The following PDZRN3 variants were observed in gnomAD, a reference collection of about 807,000 sequenced individuals.
PDZRN3 encodes PDZ domain containing ring finger 3, also known as E3 ubiquitin-protein ligase PDZRN3.
Under a neutral mutation model 85.7 loss-of-function variants are expected in PDZRN3, and 38 were observed. The ratio of observed to expected loss-of-function variants is 0.44; its 90% CI spans 0.34 to 0.58. The LOEUF is 0.58. PDZRN3 is among the 20% of genes least tolerant of loss of function. PDZRN3 has a pLI of 0.01. For missense variants in PDZRN3, 1,629 were observed against 1,506.4 expected (o/e 1.08, Z -1.35); for synonymous variants, 759 against 638.0 (o/e 1.19, Z -2.86).
rs1321941039 is a variant in PDZRN3, at chr3:73,602,383, C to T, written c.889G>A (p.Gly297Ser). ...VDSGPAAKEG[G>S]LQIHDRIIEV... ...ATAATCCTGTCATGAATTTGCAGGC[C>T]TCCTTCCTTGGCTGCAGGCCCACTG... is the stretch of plus-strand genomic sequence containing the variant. Residue 297 changes from glycine to serine, a missense_variant, in exon 3 of 10, where the codon GGC becomes AGC. By Grantham distance (56) the Gly-to-Ser change is moderately conservative (BLOSUM62 0). Transcript: ENST00000263666. 8 of 1,605,386 alleles carry T rather than the reference C, an allele frequency of 5.0e-6. No individual in the cohort carries two copies. The highest frequency in any genetic ancestry group is 6.8e-6 in the Non-Finnish European group (8 of 1,172,084).
At chr3:73,498,994 C>G (rs1703923502) in intron 3 of PDZRN3, among the ~76,000 whole-genome samples, 1 of 152,092 alleles carries the variant, frequency 6.6e-6, no homozygotes, top group Non-Finnish European at 1.5e-5. Flanking sequence ...TAGCAGGGTC[C>G]CAGCATAGGC....
At chr3:73,454,330 T>C (rs1702935586) in intron 3 of PDZRN3, among the ~76,000 whole-genome samples, 1 of 152,108 alleles carries the variant, frequency 6.6e-6, no homozygotes, top group Non-Finnish European at 1.5e-5. Context: ...GGCCTAGCAC[T>C]TGGAGCCACC....
intron 3 of PDZRN3, among the ~76,000 whole-genome samples, chr3:73,486,076 A>T (rs747803652): frequency 6.6e-6 from 1 of 152,192 alleles, no homozygotes; most frequent in Non-Finnish European, 1.5e-5. Flanking sequence ...TCATCAGAGG[A>T]AGGTAAGTGG....
intron 3 of PDZRN3, among the ~76,000 whole-genome samples, chr3:73,543,452 T>A (rs1042885849): frequency 6.6e-6 from 1 of 152,222 alleles, no homozygotes; most frequent in Non-Finnish European, 1.5e-5. Flanking sequence ...AAAAAAGGTA[T>A]CTCATCCAGA....
intron 3 of PDZRN3, among the ~76,000 whole-genome samples, chr3:73,430,592 T>C (rs1559675812): frequency 6.6e-6 from 1 of 152,136 alleles, no homozygotes; most frequent in Non-Finnish European, 1.5e-5. Context: ...GACTTGACAG[T>C]ACATGGCTAC....
At chr3:73,406,133 C>T (rs1428006501) in intron 3 of PDZRN3, among the ~76,000 whole-genome samples, 1 of 152,176 alleles carries the variant, frequency 6.6e-6, no homozygotes, top group Admixed American at 6.5e-5. Flanking sequence ...CTTGAGTGCA[C>T]CAGTAAATAA....
intron 3 of PDZRN3, among the ~76,000 whole-genome samples, chr3:73,447,812 C>T (rs1702780742): frequency 1.3e-5 from 2 of 152,206 alleles, no homozygotes. Context: ...CTGCCTTGAC[C>T]TTCCCTGTAA....
At chr3:73,614,571 G>A (rs1452212746) in intron 1 of PDZRN3, among the ~76,000 whole-genome samples, 1 of 152,218 alleles carries the variant, frequency 6.6e-6, no homozygotes, top group Non-Finnish European at 1.5e-5. Context: ...CCGCTAGTCT[G>A]TGTGATGTAA....
intron 3 of PDZRN3, among the ~76,000 whole-genome samples, chr3:73,590,268 C>CAAA (rs10685167): frequency 0.014 from 1,316 of 97,120 alleles, 20 homozygotes; most frequent in African/African-American, 0.022. Context: ...GACTCTGTCT[C>CAAA]AAAAAAAAAA....
At chr3:73,594,080 G>A (rs1052439089) in intron 3 of PDZRN3, 1 of 152,068 alleles carries the variant, frequency 6.6e-6, no homozygotes, top group Admixed American at 6.6e-5. Context: ...GATATTCACT[G>A]AAAGGCTAGT....
At chr3:73,616,526 A>C (rs1439367662) in intron 1 of PDZRN3, among the ~76,000 whole-genome samples, 1 of 152,140 alleles carries the variant, frequency 6.6e-6, no homozygotes, top group Non-Finnish European at 1.5e-5. Flanking sequence ...CCTCTTTCAC[A>C]CATTTCCACC....
intron 4 of PDZRN3, chr3:73,401,705 G>A (rs958715426): frequency 2.0e-5 from 3 of 152,170 alleles, no homozygotes; most frequent in Non-Finnish European, 4.4e-5. Flanking sequence ...CAGAACTCAC[G>A]ACATCTTTGG....
intron 3 of PDZRN3, among the ~76,000 whole-genome samples, chr3:73,482,568 GTCT>G (rs1703585451): frequency 6.6e-6 from 1 of 152,152 alleles, no homozygotes. Flanking sequence ...ATCTCTGACA[GTCT>G]TCAACTCCAT....
intron 3 of PDZRN3, among the ~76,000 whole-genome samples, chr3:73,554,943 A>G (rs1470458917): frequency 3.9e-5 from 6 of 152,212 alleles, no homozygotes; most frequent in Non-Finnish European, 8.8e-5. Flanking sequence ...TTTCCACATG[A>G]TAAGGTCTGA....
intron 3 of PDZRN3, among the ~76,000 whole-genome samples, chr3:73,517,598 C>A (rs1704278741): frequency 6.6e-6 from 1 of 152,132 alleles, no homozygotes; most frequent in South Asian, 2.1e-4. Flanking sequence ...AGGGAGGAAA[C>A]TACAGGATAT....
rs528275999 is a variant in PDZRN3, at chr3:73,549,562, T to C, written c.918+52792A>G. Among the ~76,000 whole-genome samples the C allele has an allele frequency of 7.2e-5, 11 of 152,156 alleles. No individual in the cohort carries two copies. The South Asian group carries it at 2.3e-3, about 32-fold the overall frequency. ...CTCCTGGTAATCGGCAAAGGTGGCA[T>C]CCTTTGTTGCCAAACATTTCATAAA... On this transcript the variant is annotated intron_variant, in intron 3 of 9. Transcript: ENST00000263666.
chr3:73,422,039 A>T (rs1431534847), intron 3 of PDZRN3, among the ~76,000 whole-genome samples: 2 of 152,198 alleles, frequency 1.3e-5, no homozygotes, highest in Non-Finnish European at 2.9e-5. Context: ...ATTCCTTTAG[A>T]GCCTTTACCC....
In PDZRN3 at chr3:73,498,358, T is replaced by C. The variant is rs535417037; in HGVS notation, c.919-93963A>G. On this transcript the variant is annotated intron_variant, in intron 3 of 9. Coordinates refer to ENST00000263666, the MANE Select transcript of PDZRN3 (RefSeq NM_015009.3). ...TAGTGTTGGGGGACAGTTGGTAGTA[T>C]GTACCAAACTACCGCTGGCTCCAGT... Among the ~76,000 whole-genome samples the C allele has an allele frequency of 8.5e-5, 13 of 152,264 alleles. No individual in the cohort carries two copies. The South Asian group carries it at 2.1e-3, about 24-fold the overall frequency.
chr3:73,416,437 T>C (rs1702082536), intron 3 of PDZRN3, among the ~76,000 whole-genome samples: 1 of 151,968 alleles, frequency 6.6e-6, no homozygotes, highest in African/African-American at 2.4e-5. Context: ...GATCACGCCA[T>C]ACCGACATAG....
Sources: gnomAD v4.1 joint callset for allele counts (sites outside exome capture counted in the v4.1 genomes callset) on GRCh38, gnomAD v4.1.1 for gene constraint, MANE v1.5 for transcripts, NCBI Gene and HGNC (gene_info 2026-07-23, HGNC 2026-07-21) for gene names.